Variants in AKAP11 observed in about 807,000 individuals in gnomAD.
The protein encoded by AKAP11 is A-kinase anchor protein 11.
A neutral mutation model predicts 146.1 loss-of-function variants in AKAP11; 36 were observed. The ratio of observed to expected loss-of-function variants is 0.25; its 90% confidence interval spans 0.19 to 0.33. The LOEUF is 0.33. Among genes scored for constraint, AKAP11 ranks in the 10% least tolerant of loss-of-function variants. The pLI is 1.00. For synonymous variants in AKAP11, 780 were observed against 786.5 expected (o/e 0.99, Z 0.14); for missense variants, 2,201 against 2,197.0 (o/e 1.00, Z -0.04).
At chr13:42,274,549 T>C (rs1274072334) in intron 1 of AKAP11, among the ~76,000 whole-genome samples, 2 of 152,152 alleles carry the variant, frequency 1.3e-5, no homozygotes, top group Admixed American at 6.5e-5. Flanking sequence ...CCACGTGTTA[T>C]GGCACATGCC....
intron 11 of AKAP11, among the ~76,000 whole-genome samples, chr13:42,314,238 A>G (rs567894985): frequency 2.6e-5 from 4 of 152,168 alleles, no homozygotes; most frequent in Admixed American, 6.5e-5. Context: ...TGAGGCCAGG[A>G]ATTTGAGACC....
intron 6 of AKAP11, 149 bp from the exon 7 acceptor site, chr13:42,298,384 A>G (rs984357290): frequency 1.3e-6 from 1 of 760,162 alleles, no homozygotes; most frequent in African/African-American, 1.8e-5. Context: ...AGAATTAAGA[A>G]GTAAACATTA....
At position 42,274,511 on chromosome 13, in the gene AKAP11, C is replaced by T. The variant is rs142281248; in HGVS notation, c.-100+2283C>T. Among the ~76,000 whole-genome samples, 1,416 of 152,226 alleles carry T rather than the reference C, an allele frequency of 9.3e-3. 24 individuals are homozygous for T. The highest frequency in any genetic ancestry group is 0.032 in the African/African-American group (1,320 of 41,526). On this transcript the variant is annotated intron_variant, in intron 1 of 12. Transcript: ENST00000025301. ...CCAGCCTGGCCAACATGGAAAAACCCTGTCTTTACTAAAAAATAAAAAATT... is the reference window on the plus strand; with the variant it reads ...CCAGCCTGGCCAACATGGAAAAACCTTGTCTTTACTAAAAAATAAAAAATT...
At chr13:42,307,018 A>T (rs1333858946) in intron 8 of AKAP11, among the ~76,000 whole-genome samples, 1 of 152,164 alleles carries the variant, frequency 6.6e-6, no homozygotes. Context: ...AAACGATTAT[A>T]TTCTAAGCTA....
chr13:42,311,957 A>G (rs1960587161), intron 9 of AKAP11, among the ~76,000 whole-genome samples: 1 of 152,234 alleles, frequency 6.6e-6, no homozygotes, highest in South Asian at 2.1e-4. Context: ...GAATATAACT[A>G]TGCAAATTAT....
intron 1 of AKAP11, among the ~76,000 whole-genome samples, chr13:42,274,208 A>G (rs779765561): frequency 6.6e-6 from 1 of 152,086 alleles, no homozygotes; most frequent in Non-Finnish European, 1.5e-5. Flanking sequence ...ACTACCTGGA[A>G]GGATTGAAGG....
intron 5 of AKAP11, among the ~76,000 whole-genome samples, chr13:42,296,546 A>C (rs1195674882): frequency 6.6e-6 from 1 of 152,126 alleles, no homozygotes; most frequent in Non-Finnish European, 1.5e-5. Flanking sequence ...AAGAAATAAA[A>C]GCGATTTTCT....
intron 3 of AKAP11, among the ~76,000 whole-genome samples, chr13:42,289,617 A>C (rs1325118747): frequency 6.6e-6 from 1 of 152,010 alleles, no homozygotes; most frequent in Non-Finnish European, 1.5e-5. Flanking sequence ...AGGATGACCT[A>C]ATTTCACCTA....
intron 9 of AKAP11, 81 bp downstream of exon 9, chr13:42,308,690 A>T: frequency 8.9e-7 from 1 of 1,120,506 alleles, no homozygotes; most frequent in Non-Finnish European, 1.2e-6. Flanking sequence ...TTATTATTTA[A>T]AAATTCTAAA....
rs920322428 is a variant in AKAP11 at position 42,303,660 on chromosome 13, T to G, written c.4914T>G (p.Pro1638=). ...CTAGGATTTTTCATCTCAGTGTCCC[T>G]CAGATTCATGTTAATCTTGATAAGA... ...QKSRIFHLSV[P]QIHVNLDKKA... The change falls in exon 8 of 13, where the codon CCT becomes CCG. Residue 1638 remains proline, a synonymous_variant. Transcript: ENST00000025301. 2.5e-6 allele frequency: 4 copies of G among 1,614,032 alleles called. No individual in the cohort carries two copies. The highest frequency in any genetic ancestry group is 2.5e-6 in the Non-Finnish European group (3 of 1,180,010).
At position 42,322,818 on chromosome 13, in the gene AKAP11, GAGTTCT is replaced by G. The variant is rs1961141376; in HGVS notation, c.*3599_*3604del. 1 of 152,612 alleles carries G rather than the reference GAGTTCT, an allele frequency of 6.6e-6. No homozygotes were observed. Among genetic ancestry groups the G allele is most frequent in the Non-Finnish European group, 1.5e-5 (1 of 67,984 alleles). 9.5% of individuals were successfully genotyped at this position (152,612 alleles called of 1,614,324 possible). A position where few individuals can be genotyped will look rare whatever the true frequency, so the allele number is the denominator to read the frequency against. ...CTGTGTACATTCCTTTCATAGGGTA[GAGTTCT>G]AGTTCTAGAAGTTCTTATTTTGTTT... On this transcript the variant is annotated 3_prime_UTR_variant, in exon 13 of 13. Coordinates refer to ENST00000025301, the MANE Select transcript of AKAP11 (RefSeq NM_016248.4).
chr13:42,317,027 G>A (rs1016100909), intron 11 of AKAP11, among the ~76,000 whole-genome samples: 6 of 152,164 alleles, frequency 3.9e-5, no homozygotes, highest in Middle Eastern at 3.4e-3. Flanking sequence ...ACAGGCATGT[G>A]CCACCACGCC....
intron 8 of AKAP11, among the ~76,000 whole-genome samples, chr13:42,304,423 G>A (rs973529204): frequency 1.1e-4 from 17 of 152,194 alleles, no homozygotes; most frequent in African/African-American, 4.1e-4. Context: ...AACCTGGTAT[G>A]TACAGGGCTT....
Position 42,302,323 on chromosome 13 carries a change from G to A in AKAP11, c.3577G>A (p.Gly1193Arg), listed in dbSNP as rs1232436263. Residue 1193 changes from glycine to arginine, a missense_variant, in exon 8 of 13, where the codon GGG becomes AGG. Physicochemically the swap from Gly to Arg is moderately radical, Grantham distance 125. Transcript: ENST00000025301. ...AGTGGATGTGAAGTCGGAGCACTCA[G>A]GGAAGAAGGTTCAGTTTGCAGAAGC... The part of the protein sequence containing the change: ...PEVDVKSEHS[G>R]KKVQFAEALA... The A allele has an allele frequency of 6.2e-7, 1 of 1,614,176 alleles. No homozygotes were observed. Among genetic ancestry groups the A allele is most frequent in the South Asian group, 1.1e-5 (1 of 91,074 alleles).
Position 42,320,481 on chromosome 13 carries a change from C to T in AKAP11, c.*1253C>T, listed in dbSNP as rs528713021. 3.2e-3 allele frequency: 481 copies of T among 151,780 alleles called. 1 individual carries two copies. The highest frequency in any genetic ancestry group is 5.3e-3 in the Admixed American group (80 of 15,216). 9.4% of individuals were successfully genotyped at this position (151,780 alleles called of 1,614,324 possible). A position where few individuals can be genotyped will look rare whatever the true frequency, so the allele number is the denominator to read the frequency against. On this transcript the variant is annotated 3_prime_UTR_variant, in exon 13 of 13. Transcript: ENST00000025301. The stretch of plus-strand genomic sequence containing the variant: ...CTTTTGTCTCTCTCTTCCCTCCCTG[C>T]AACTCTCTCTCCCCTCCTCCCACTC...
chr13:42,316,491 A>G (rs1960826635), intron 11 of AKAP11, among the ~76,000 whole-genome samples: 1 of 152,212 alleles, frequency 6.6e-6, no homozygotes, highest in Non-Finnish European at 1.5e-5. Flanking sequence ...TGTGATGAAA[A>G]CATAATTATC....
At position 42,303,103 on chromosome 13, in the gene AKAP11, C is replaced by A; in HGVS notation, c.4357C>A (p.Gln1453Lys). 6.2e-7 allele frequency: 1 copy of A among 1,613,890 alleles called. No homozygotes were observed. Among genetic ancestry groups the A allele is most frequent in the South Asian group, 1.1e-5 (1 of 91,038 alleles). Residue 1453 changes from glutamine to lysine, a missense_variant, in exon 8 of 13, where the codon CAA (glutamine) becomes AAA (lysine). Around this residue, in one of 3 missense-constraint regions of AKAP11, gnomAD observed 1,867 missense variants for 1,833.5 expected, o/e 1.02. Coordinates refer to ENST00000025301, the MANE Select transcript of AKAP11 (RefSeq NM_016248.4). ...TLDPYRNEVS[Q>K]LYSFSTSLVH... ...GGATCCATATAGAAATGAGGTCTCC[C>A]AACTGTATAGTTTTTCAACCTCTCT...
At chr13:42,299,132 A>G (rs1483358127) in intron 7 of AKAP11, among the ~76,000 whole-genome samples, 3 of 152,176 alleles carry the variant, frequency 2.0e-5, no homozygotes, top group African/African-American at 7.2e-5. Flanking sequence ...GCGTGACAGC[A>G]TGCAAAACAT....
intron 4 of AKAP11, among the ~76,000 whole-genome samples, chr13:42,292,792 A>G (rs989015907): frequency 1.4e-4 from 22 of 152,346 alleles, no homozygotes; most frequent in Non-Finnish European, 2.8e-4. Flanking sequence ...TGCCTACTAT[A>G]TTCAGCAACT....
Sources: gnomAD v4.1 joint callset for allele counts (sites outside exome capture counted in the v4.1 genomes callset) on GRCh38, gnomAD v4.1.1 for gene constraint, gnomAD v4.1.1 regional missense constraint, MANE v1.5 for transcripts, NCBI Gene and HGNC (gene_info 2026-07-23, HGNC 2026-07-21) for gene names.